The following ERLIN2 variants were observed in gnomAD, a reference collection of about 807,000 sequenced individuals.
The protein encoded by ERLIN2 is ER lipid raft associated 2.
In ERLIN2, 22 loss-of-function variants were observed where a neutral mutation model predicts 41.5. The observed-to-expected ratio is 0.53, with a 90% CI of 0.38 to 0.76. ERLIN2 has a LOEUF of 0.76. Ranked by LOEUF, ERLIN2 falls within the 30% of genes least tolerant of loss-of-function variation. The pLI is 0.00. For synonymous variants in ERLIN2, 149 were observed against 150.9 expected (o/e 0.99, Z 0.09); for missense variants, 247 against 414.3 (o/e 0.60, Z 3.51).
intron 11 of ERLIN2, 103 bp downstream of exon 11, chr8:37,753,632 A>G (rs1467989597): frequency 9.5e-7 from 1 of 1,054,228 alleles, no homozygotes; most frequent in Admixed American, 1.9e-5. Flanking sequence ...AAAGCCCTTC[A>G]TGGGCAGAAC....
intron 6 of ERLIN2, chr8:37,746,625 C>G: frequency 1.4e-6 from 1 of 718,740 alleles, no homozygotes; most frequent in South Asian, 6.3e-5. Flanking sequence ...GGAAGCAATA[C>G]TAGCTGCCCG....
intron 6 of ERLIN2, chr8:37,748,086 T>C (rs1803118719): frequency 9.5e-7 from 1 of 1,057,430 alleles, no homozygotes; most frequent in Non-Finnish European, 1.5e-6. Context: ...CTTGCGCCTT[T>C]TCCCTGCGGC....
chr8:37,744,580 T>C lies in ERLIN2; in HGVS notation c.308T>C (p.Ile103Thr), dbSNP rs1585907069. The change falls in exon 6 of 12, where the codon ATA becomes ACA. Residue 103 changes from isoleucine to threonine, a missense_variant. By Grantham distance (89) the Ile-to-Thr change is moderately conservative (BLOSUM62 -1). Around this residue, in one of 3 missense-constraint regions of ERLIN2, gnomAD observed 93 missense variants for 139.0 expected, o/e 0.67. Transcript: ENST00000519638. ...TCTCCTTCCCTCTCAGTGTATGATATAGTGAAGAACTATACTGCTGACTAT... is the reference window on the plus strand; with the variant it reads ...TCTCCTTCCCTCTCAGTGTATGATACAGTGAAGAACTATACTGCTGACTAT... ...NFLVPNAVYD[I>T]VKNYTADYDK... 7 of 1,614,172 alleles carry C rather than the reference T, an allele frequency of 4.3e-6. No homozygotes were observed. The highest frequency in any genetic ancestry group is 5.9e-6 in the Non-Finnish European group (7 of 1,180,032).
At chr8:37,745,422 GCA>G in intron 6 of ERLIN2, 1 of 769,190 alleles carries the variant, frequency 1.3e-6, no homozygotes, top group Non-Finnish European at 2.2e-6. Context: ...ACCTGACTTA[GCA>G]GCAAAGGAAG....
intron 8 of ERLIN2, 196 bp downstream of exon 8, chr8:37,750,048 C>T: frequency 1.5e-6 from 1 of 675,608 alleles, no homozygotes; most frequent in Non-Finnish European, 2.7e-6. Flanking sequence ...ATTGAGAACC[C>T]CAGGATAATC....
intron 6 of ERLIN2, chr8:37,747,760 G>C (rs1237546238): frequency 6.2e-7 from 1 of 1,606,942 alleles, no homozygotes; most frequent in African/African-American, 1.3e-5. Context: ...AATGCCTTCA[G>C]GTCTCCGCAG....
At position 37,754,361 on chromosome 8, in the gene ERLIN2, C is replaced by G. The variant is rs1475778141; in HGVS notation, c.*246C>G. ...TAAGATTTGTAAATCATGGGCTTGA[C>G]CTTTGACCTCTAGACACTAATTTTA... On this transcript the variant is annotated 3_prime_UTR_variant, in exon 12 of 12. Coordinates refer to ENST00000519638, the MANE Select transcript of ERLIN2 (RefSeq NM_007175.8). 8 of 503,452 alleles carry G rather than the reference C, an allele frequency of 1.6e-5. No individual in the cohort carries two copies. The highest frequency in any genetic ancestry group is 1.3e-4 in the Admixed American group (4 of 31,196). 31.2% of individuals were successfully genotyped at this position (503,452 alleles called of 1,614,324 possible).
chr8:37,745,267 C>T (rs1803001165), intron 6 of ERLIN2: 2 of 489,170 alleles, frequency 4.1e-6, no homozygotes, highest in Admixed American at 3.6e-5. Context: ...AGAACCATAG[C>T]TCCTTCCAGT....
Position 37,757,582 on chromosome 8 carries a change from C to T in ERLIN2, c.*3467C>T, listed in dbSNP as rs1278888935. ...TGGATTGATTGCCGTGGGTTGATAG[C>T]TGGAGGAATTGTTTTGGACAATACT... On this transcript the variant is annotated 3_prime_UTR_variant, in exon 12 of 12. Coordinates refer to ENST00000519638, the MANE Select transcript of ERLIN2 (RefSeq NM_007175.8). 6.6e-6 allele frequency: 1 copy of T among 152,150 alleles called. No homozygotes were observed. Among genetic ancestry groups the T allele is most frequent in the African/African-American group, 2.4e-5 (1 of 41,434 alleles). The allele number at this position is 152,150 out of a possible 1,614,324, so 9.4% of individuals were successfully genotyped here. A position where few individuals can be genotyped will look rare whatever the true frequency, so the allele number is the denominator to read the frequency against.
chr8:37,753,106 G>A (rs552997419), intron 10 of ERLIN2, among the ~76,000 whole-genome samples: 2 of 152,334 alleles, frequency 1.3e-5, no homozygotes, highest in African/African-American at 4.8e-5. Context: ...ACACAGACAT[G>A]GATCTCCAAA....
At chr8:37,750,333 C>A in intron 8 of ERLIN2, 62 bp from the exon 9 acceptor site, 2 of 1,306,548 alleles carry the variant, frequency 1.5e-6, no homozygotes, top group Non-Finnish European at 2.2e-6. Flanking sequence ...ATTCGACTTA[C>A]CTGGGGATAG....
At chr8:37,752,113 C>T (rs936730439) in intron 10 of ERLIN2, among the ~76,000 whole-genome samples, 1 of 152,160 alleles carries the variant, frequency 6.6e-6, no homozygotes, top group African/African-American at 2.4e-5. Context: ...TGGTCAGTGC[C>T]ACGGTTTTGG....
intron 1 of ERLIN2, 36 bp downstream of exon 1, chr8:37,736,714 C>T: frequency 1.0e-6 from 1 of 985,686 alleles, no homozygotes; most frequent in African/African-American, 1.7e-5. Flanking sequence ...GCGCGCTGGG[C>T]CTAGCTGCCG....
intron 2 of ERLIN2, among the ~76,000 whole-genome samples, chr8:37,738,337 A>G (rs1445867487): frequency 6.6e-6 from 1 of 152,158 alleles, no homozygotes; most frequent in Non-Finnish European, 1.5e-5. Context: ...CATCCCTAAA[A>G]TACTGTTTTC....
rs1194177845 is a variant in ERLIN2, at chr8:37,753,971, C to T, written c.876C>T (p.Asn292=). 1.2e-6 allele frequency: 2 copies of T among 1,613,462 alleles called. No homozygotes were observed. The highest frequency in any genetic ancestry group is 2.7e-5 in the African/African-American group (2 of 74,774). The change falls in exon 12 of 12, where the codon AAC becomes AAT. Residue 292 remains asparagine, a synonymous_variant. Coordinates refer to ENST00000519638, the MANE Select transcript of ERLIN2 (RefSeq NM_007175.8). Reference sequence around the variant, plus strand: ...TGAAGTACAAGGCCATTGCTTCCAACAGCAAGATTTACTTTGGCAAAGACA... The same window carrying T: ...TGAAGTACAAGGCCATTGCTTCCAATAGCAAGATTTACTTTGGCAAAGACA... ...QLMKYKAIAS[N]SKIYFGKDIP...
intron 6 of ERLIN2, chr8:37,747,953 C>T (rs962483167): frequency 7.4e-6 from 12 of 1,614,108 alleles, no homozygotes; most frequent in Middle Eastern, 3.3e-4. Flanking sequence ...TCATATTCCT[C>T]CCGGTCCCGA....
chr8:37,747,475 G>A lies in ERLIN2; in HGVS notation c.425-2084G>A, dbSNP rs760030434. 25 of 1,611,410 alleles carry A rather than the reference G, an allele frequency of 1.6e-5. No individual in the cohort carries two copies. In the East Asian group the frequency reaches 3.3e-4, roughly 22 times the overall value. ...AATCACTTTGGCATTCTGTGCATAC[G>A]AGTCAGCAACTTCCCTAGCCTCAAT... On this transcript the variant is annotated intron_variant, in intron 6 of 11. Coordinates refer to ENST00000519638, the MANE Select transcript of ERLIN2 (RefSeq NM_007175.8).
In ERLIN2 at chr8:37,736,672, C is replaced by G. The variant is rs1040600366; in HGVS notation, c.-22C>G. ...GACGAGTACGGAGCGCCTGCAGGGA[C>G]AGCCTGGTACGCGGCCCCCGCCCCT... On this transcript the variant is annotated 5_prime_UTR_variant, in exon 1 of 12. Transcript: ENST00000519638. 1 of 985,660 alleles carries G rather than the reference C, an allele frequency of 1.0e-6. No homozygotes were observed. The highest frequency in any genetic ancestry group is 1.2e-6 in the Non-Finnish European group (1 of 830,056). 61.1% of individuals were successfully genotyped at this position (985,660 alleles called of 1,614,324 possible). A position where few individuals can be genotyped will look rare whatever the true frequency, so the allele number is the denominator to read the frequency against.
At chr8:37,749,411 A>G (rs1585914227) in intron 6 of ERLIN2, 148 bp from the exon 7 acceptor site, 2 of 707,434 alleles carry the variant, frequency 2.8e-6, no homozygotes, top group Admixed American at 2.0e-5. Context: ...TGGGCAGGGG[A>G]TCTTTAGATT....
Sources: gnomAD v4.1 joint callset for allele counts (sites outside exome capture counted in the v4.1 genomes callset) on GRCh38, gnomAD v4.1.1 for gene constraint, gnomAD v4.1.1 regional missense constraint, MANE v1.5 for transcripts, NCBI Gene and HGNC (gene_info 2026-07-23, HGNC 2026-07-21) for gene names.